TOX: variants seen among roughly 807,000 people sequenced by gnomAD.
TOX encodes the protein thymocyte selection-associated high mobility group box protein TOX.
A neutral mutation model predicts 53.7 loss-of-function variants in TOX; 11 were observed. That is an observed-to-expected ratio of 0.20 (90% CI 0.13 to 0.34). TOX has a LOEUF of 0.34. Ranked by LOEUF, TOX falls within the 10% of genes least tolerant of loss-of-function variation. The probability of loss-of-function intolerance (pLI) is 1.00; values close to 1 mark genes in which losing one functional copy is unlikely to be tolerated. For synonymous variants in TOX, 225 were observed against 245.3 expected (o/e 0.92, Z 0.77); for missense variants, 570 against 664.6 (o/e 0.86, Z 1.56).
intron 2 of TOX, among the ~76,000 whole-genome samples, chr8:58,945,134 G>A (rs1812506443): frequency 6.6e-6 from 1 of 152,176 alleles, no homozygotes; most frequent in South Asian, 2.1e-4. Flanking sequence ...CTGCTGGTGG[G>A]CCTGCAGCTC....
intron 1 of TOX, among the ~76,000 whole-genome samples, chr8:59,094,563 G>A (rs1777128655): frequency 6.6e-6 from 1 of 151,384 alleles, no homozygotes; most frequent in South Asian, 2.1e-4. Context: ...ATAATACTTG[G>A]GGTTTTCATT....
At chr8:59,083,821 C>CA (rs1422904179) in intron 1 of TOX, among the ~76,000 whole-genome samples, 1 of 152,136 alleles carries the variant, frequency 6.6e-6, no homozygotes, top group Non-Finnish European at 1.5e-5. Flanking sequence ...TTTCCTTTCA[C>CA]AATTTTTGCT....
At chr8:59,073,231 T>C (rs1011513190) in intron 1 of TOX, among the ~76,000 whole-genome samples, 1 of 152,196 alleles carries the variant, frequency 6.6e-6, no homozygotes, top group African/African-American at 2.4e-5. Flanking sequence ...AACCTCTATC[T>C]GCGCTTCTGT....
In TOX at chr8:59,118,406, C is replaced by A. The variant is rs144653911; in HGVS notation, c.102+480G>T. Among the ~76,000 whole-genome samples the A allele has an allele frequency of 5.3e-3, 814 of 152,260 alleles. 8 individuals carry two copies. The highest frequency in any genetic ancestry group is 0.018 in the African/African-American group (767 of 41,542). ...GGCAGGGGCGCCTCCCAGGTCCCTGCACCCCGACTCCCGGCTGCTCCCCTG... is the reference window on the plus strand; with the variant it reads ...GGCAGGGGCGCCTCCCAGGTCCCTGAACCCCGACTCCCGGCTGCTCCCCTG... On this transcript the variant is annotated intron_variant, in intron 1 of 8. Coordinates refer to ENST00000361421, the MANE Select transcript of TOX (RefSeq NM_014729.3). This position sits in a 1 kb window ranked among gnomAD's most constrained non-coding sequence, Gnocchi z 4.1.
At chr8:58,972,661 T>C (rs769321151) in intron 1 of TOX, among the ~76,000 whole-genome samples, 4 of 152,208 alleles carry the variant, frequency 2.6e-5, no homozygotes, top group Non-Finnish European at 4.4e-5. Context: ...CCTAGCTAGA[T>C]ACTTAAGCTG....
intron 1 of TOX, among the ~76,000 whole-genome samples, chr8:59,116,827 A>T (rs1805109117): frequency 6.6e-6 from 1 of 152,344 alleles, no homozygotes; most frequent in South Asian, 2.1e-4. Context: ...CTTCTTATAC[A>T]CGGGGTGACT....
intron 1 of TOX, among the ~76,000 whole-genome samples, chr8:59,002,575 A>C (rs1457703589): frequency 6.6e-6 from 1 of 150,752 alleles, no homozygotes; most frequent in East Asian, 2.0e-4. Flanking sequence ...TGGGCAACAC[A>C]GCAAGACTCC....
At chr8:58,866,922 C>T (rs1811113395) in intron 3 of TOX, among the ~76,000 whole-genome samples, 1 of 152,086 alleles carries the variant, frequency 6.6e-6, no homozygotes, top group South Asian at 2.1e-4. Flanking sequence ...AATATCTCAG[C>T]ATAATTATAT....
chr8:59,083,455 A>G (rs562843507), intron 1 of TOX, among the ~76,000 whole-genome samples: 1 of 152,344 alleles, frequency 6.6e-6, no homozygotes, highest in South Asian at 2.1e-4. Context: ...AAAATAAAAT[A>G]AAAATGAGTG....
At chr8:59,055,091 G>GACT (rs1283901105) in intron 1 of TOX, among the ~76,000 whole-genome samples, 5 of 152,112 alleles carry the variant, frequency 3.3e-5, no homozygotes, top group Non-Finnish European at 5.9e-5. Flanking sequence ...ACTTTTCTGG[G>GACT]ACTACTCTAT....
At chr8:58,963,188 C>A (rs1376966515) in intron 1 of TOX, among the ~76,000 whole-genome samples, 5 of 152,162 alleles carry the variant, frequency 3.3e-5, no homozygotes, top group African/African-American at 1.2e-4. Context: ...ACTACACCAT[C>A]GGTTCTCCTG....
At chr8:58,895,913 C>T (rs1371495796) in intron 3 of TOX, among the ~76,000 whole-genome samples, 5 of 152,136 alleles carry the variant, frequency 3.3e-5, no homozygotes, top group Non-Finnish European at 7.3e-5. Flanking sequence ...ACTGCATCTA[C>T]AAAGCTTCCA....
intron 1 of TOX, among the ~76,000 whole-genome samples, chr8:58,984,812 TA>T (rs752751205): frequency 1.6e-4 from 22 of 135,462 alleles, no homozygotes; most frequent in Non-Finnish European, 3.0e-4. Flanking sequence ...AAAAATTGAC[TA>T]AAAAAATCCC....
In TOX at chr8:58,848,251, C is replaced by A. The variant is rs544741869; in HGVS notation, c.693+3273G>T. On this transcript the variant is annotated intron_variant, in intron 4 of 8. Coordinates refer to ENST00000361421, the MANE Select transcript of TOX (RefSeq NM_014729.3). The stretch of plus-strand genomic sequence containing the variant: ...TGAAAGAAGAGAAAGAATATAAAAT[C>A]TCTAATCTCAAAATGGGAAATTATG... Among the ~76,000 whole-genome samples the A allele has an allele frequency of 8.9e-4, 135 of 151,890 alleles. 1 individual carries two copies. The highest frequency in any genetic ancestry group is 3.1e-3 in the African/African-American group (129 of 41,446).
chr8:58,897,818 A>AT (rs970908509), intron 3 of TOX, among the ~76,000 whole-genome samples: 16 of 150,018 alleles, frequency 1.1e-4, no homozygotes, highest in South Asian at 4.2e-4. Flanking sequence ...ATATTTCTAC[A>AT]TTTTTTTTTT....
chr8:58,913,717 A>G (rs1301361485), intron 3 of TOX, among the ~76,000 whole-genome samples: 2 of 152,186 alleles, frequency 1.3e-5, no homozygotes, highest in African/African-American at 2.4e-5. Flanking sequence ...TAAAAATGCC[A>G]TATTACTCTT....
intron 3 of TOX, among the ~76,000 whole-genome samples, chr8:58,883,254 GC>G (rs1563378736): frequency 6.6e-6 from 1 of 152,182 alleles, no homozygotes; most frequent in Non-Finnish European, 1.5e-5. Context: ...CAGGCTGTGA[GC>G]CTCAGACAGG....
At chr8:59,080,422 G>A (rs1181159138) in intron 1 of TOX, among the ~76,000 whole-genome samples, 1 of 151,994 alleles carries the variant, frequency 6.6e-6, no homozygotes, top group Non-Finnish European at 1.5e-5. Context: ...TGTCTCGATG[G>A]GATTTTGGAC....
chr8:59,042,410 C>T (rs905196278), intron 1 of TOX, among the ~76,000 whole-genome samples: 2 of 152,240 alleles, frequency 1.3e-5, no homozygotes, highest in Non-Finnish European at 2.9e-5. Flanking sequence ...AAATATGCTC[C>T]GTTTTTGTCA....
Sources: allele counts gnomAD v4.1 joint callset (sites outside exome capture counted in the v4.1 genomes callset), GRCh38; gene constraint gnomAD v4.1.1; non-coding constraint Gnocchi (gnomAD v3.1); transcripts MANE v1.5; gene names NCBI Gene and HGNC (gene_info 2026-07-23, HGNC 2026-07-21).